KLHL14: variants seen among roughly 807,000 people sequenced by gnomAD.
The protein encoded by KLHL14 is kelch like family member 14.
Under a neutral mutation model 64.3 loss-of-function variants are expected in KLHL14, and 22 were observed. That is an observed-to-expected ratio of 0.34 (90% CI 0.24 to 0.49). The LOEUF is 0.49. Among genes scored for constraint, KLHL14 ranks in the 20% least tolerant of loss-of-function variants. KLHL14 has a pLI of 0.99. For synonymous variants in KLHL14, 322 were observed against 333.4 expected (o/e 0.97, Z 0.37); for missense variants, 661 against 789.0 (o/e 0.84, Z 1.94).
chr18:32,753,535 C>T (rs1271224668), intron 2 of KLHL14, among the ~76,000 whole-genome samples: 2 of 152,198 alleles, frequency 1.3e-5, no homozygotes, highest in Non-Finnish European at 1.5e-5. Context: ...CCTCTAGGCA[C>T]CAAACTTGCA....
chr18:32,752,544 T>C (rs2050260276), intron 2 of KLHL14, among the ~76,000 whole-genome samples: 1 of 152,228 alleles, frequency 6.6e-6, no homozygotes, highest in African/African-American at 2.4e-5. Flanking sequence ...TCTTTGGATG[T>C]CTCTGCTTAT....
Position 32,680,393 on chromosome 18 carries a change from T to TG in KLHL14, c.1429+15dup, listed in dbSNP as rs1290151018. ...TGGAACTGAACTTTGTAACAGAAAG[T>TG]GGAGGAATTACTTGCCTGAAATGTA... On this transcript the variant is annotated intron_variant, in intron 6 of 8. Transcript: ENST00000359358. The surrounding 1 kb of genome is among the most constrained non-coding windows in gnomAD (Gnocchi z 4.8). The TG allele has an allele frequency of 6.2e-7, 1 of 1,613,660 alleles. No homozygotes were observed. Among genetic ancestry groups the TG allele is most frequent in the Admixed American group, 1.7e-5 (1 of 59,980 alleles).
chr18:32,728,321 T>C (rs556683497), intron 3 of KLHL14, among the ~76,000 whole-genome samples: 1 of 152,322 alleles, frequency 6.6e-6, no homozygotes, highest in African/African-American at 2.4e-5. Flanking sequence ...CCATTTACCA[T>C]CTGTGTGACC....
intron 3 of KLHL14, among the ~76,000 whole-genome samples, chr18:32,721,356 C>T (rs984314939): frequency 1.3e-5 from 2 of 152,202 alleles, no homozygotes; most frequent in African/African-American, 4.8e-5. Context: ...TCTGATACCC[C>T]TGTGCCACTT....
rs2049815289 is a variant in KLHL14 at position 32,677,170 on chromosome 18, T to C, written c.1746+3A>G. The C allele has an allele frequency of 1.2e-6, 2 of 1,610,452 alleles. No homozygotes were observed. The highest frequency in any genetic ancestry group is 1.7e-6 in the Non-Finnish European group (2 of 1,178,558). ...GGAGGATGCAGTAAATGTGGACACA[T>C]ACCATACTCCAGCTGTAGCCTCCCA... On this transcript the variant is annotated splice_donor_region_variant and intron_variant, in intron 8 of 8. Transcript: ENST00000359358.
chr18:32,703,487 C>T (rs983521957), intron 3 of KLHL14, among the ~76,000 whole-genome samples: 5 of 152,204 alleles, frequency 3.3e-5, no homozygotes, highest in Non-Finnish European at 7.4e-5. Flanking sequence ...CAGTTTTAAG[C>T]AAAGGAGGTT....
intron 1 of KLHL14, chr18:32,772,308 C>A: frequency 9.2e-6 from 3 of 325,122 alleles, no homozygotes; most frequent in Admixed American, 3.1e-5. Flanking sequence ...CCCTCCCTCG[C>A]GCTCCCTCCG....
At position 32,753,736 on chromosome 18, in the gene KLHL14, T is replaced by C. The variant is rs1311934014; in HGVS notation, c.948-11687A>G. On this transcript the variant is annotated intron_variant, in intron 2 of 8. Transcript: ENST00000359358. The stretch of plus-strand genomic sequence containing the variant: ...TGGCCCTTTGCTTCATGAGGGACAA[T>C]GGCTTCCAGCCAAGTTTATACTCAC... Among the ~76,000 whole-genome samples, 5 of 152,308 alleles carry C rather than the reference T, an allele frequency of 3.3e-5. No homozygotes were observed. In the South Asian group the frequency reaches 8.3e-4, roughly 25 times the overall value.
At chr18:32,682,412 G>A (rs1338008745) in intron 5 of KLHL14, among the ~76,000 whole-genome samples, 2 of 152,132 alleles carry the variant, frequency 1.3e-5, no homozygotes, top group Admixed American at 6.6e-5. Flanking sequence ...AAGAGAAGAC[G>A]AGTCAGATTT....
At chr18:32,734,937 T>A (rs1466796825) in intron 3 of KLHL14, among the ~76,000 whole-genome samples, 1 of 152,198 alleles carries the variant, frequency 6.6e-6, no homozygotes, top group Non-Finnish European at 1.5e-5. Flanking sequence ...GATGCTATGT[T>A]GCTTCCAAGA....
intron 8 of KLHL14, among the ~76,000 whole-genome samples, chr18:32,676,039 T>C (rs1010060563): frequency 6.6e-6 from 1 of 152,206 alleles, no homozygotes; most frequent in Admixed American, 6.5e-5. Context: ...AAAGTGAATA[T>C]GTAATCTGCT....
intron 4 of KLHL14, among the ~76,000 whole-genome samples, chr18:32,691,372 G>C (rs557518035): frequency 6.6e-6 from 1 of 152,210 alleles, no homozygotes; most frequent in African/African-American, 2.4e-5. Context: ...ATGGTTTCCA[G>C]AGGCAGGGTC....
intron 3 of KLHL14, among the ~76,000 whole-genome samples, chr18:32,739,642 GCA>G (rs61442102): frequency 0.14 from 19,976 of 147,086 alleles, 1,675 homozygotes; most frequent in African/African-American, 0.25. Flanking sequence ...TAAGAACTTT[GCA>G]CACACACACA....
rs145612498 is a variant in KLHL14, at chr18:32,699,556, C to T, written c.1070-4004G>A. Among the ~76,000 whole-genome samples the T allele has an allele frequency of 2.5e-3, 383 of 152,068 alleles. 1 individual carries two copies. The highest frequency in any genetic ancestry group is 3.7e-3 in the Non-Finnish European group (253 of 67,988). On this transcript the variant is annotated intron_variant, in intron 3 of 8. Transcript: ENST00000359358. The stretch of plus-strand genomic sequence containing the variant: ...CTTGTTGAAGGTCAGACTCAGGTAC[C>T]GAACGGCAGAGATAGAATCCAAACA...
At chr18:32,767,178 A>G (rs1007295026) in intron 2 of KLHL14, among the ~76,000 whole-genome samples, 3 of 152,242 alleles carry the variant, frequency 2.0e-5, no homozygotes, top group Non-Finnish European at 4.4e-5. Flanking sequence ...TAAATGACAC[A>G]TAAGGCTAAG....
intron 3 of KLHL14, among the ~76,000 whole-genome samples, chr18:32,704,164 G>T (rs975467226): frequency 5.9e-5 from 9 of 152,270 alleles, no homozygotes; most frequent in African/African-American, 1.9e-4. Context: ...TTTGACAAAG[G>T]TTAAGGGAGT....
At chr18:32,678,080 C>T (rs2049820126) in intron 7 of KLHL14, among the ~76,000 whole-genome samples, 1 of 152,102 alleles carries the variant, frequency 6.6e-6, no homozygotes, top group Non-Finnish European at 1.5e-5. Context: ...GTAACTTTCA[C>T]TGAAGAGCTT....
intron 3 of KLHL14, among the ~76,000 whole-genome samples, chr18:32,727,974 G>A (rs2050115933): frequency 1.3e-5 from 2 of 152,092 alleles, no homozygotes; most frequent in Admixed American, 1.3e-4. Flanking sequence ...ACAGAAAGCA[G>A]CGGTAGAAGC....
chr18:32,693,413 C>CAGAGAGAGAGAGAGAGAGAGAGAGAG (rs56135629), intron 4 of KLHL14, among the ~76,000 whole-genome samples: 1 of 97,036 alleles, frequency 1.0e-5, no homozygotes, highest in African/African-American at 4.8e-5. Context: ...CACACACACA[C>CAGAGAGAGAGAGAGAGAGAGAGAGAG]AGAGAGAGAG....
Sources: allele counts gnomAD v4.1 joint callset (sites outside exome capture counted in the v4.1 genomes callset), GRCh38; gene constraint gnomAD v4.1.1; non-coding constraint Gnocchi (gnomAD v3.1); transcripts MANE v1.5; gene names NCBI Gene and HGNC (gene_info 2026-07-23, HGNC 2026-07-21).